MFSD6: variants seen among roughly 807,000 people sequenced by gnomAD.
MFSD6 encodes major facilitator superfamily domain containing 6.
A neutral mutation model predicts 56.3 loss-of-function variants in MFSD6; 26 were observed. The observed-to-expected ratio is 0.46, with a 90% CI of 0.34 to 0.64. MFSD6 has a LOEUF of 0.64. MFSD6 is among the 30% of genes least tolerant of loss of function. The probability of loss-of-function intolerance (pLI) is 0.01; values close to 1 mark genes in which losing one functional copy is unlikely to be tolerated. For synonymous variants in MFSD6, 331 were observed against 366.9 expected (o/e 0.90, Z 1.12); for missense variants, 750 against 986.2 (o/e 0.76, Z 3.21).
At chr2:190,427,637 T>C (rs1209515749) in intron 2 of MFSD6, among the ~76,000 whole-genome samples, 3 of 152,240 alleles carry the variant, frequency 2.0e-5, no homozygotes, top group Non-Finnish European at 4.4e-5. Flanking sequence ...GTTTACTTTA[T>C]ATATTATTGT....
At position 190,439,417 on chromosome 2, in the gene MFSD6, G is replaced by A. The variant is rs961719929; in HGVS notation, c.1532+1856G>A. Among the ~76,000 whole-genome samples the A allele has an allele frequency of 8.6e-5, 13 of 151,794 alleles. No individual in the cohort carries two copies. The highest frequency in any genetic ancestry group is 1.3e-4 in the Admixed American group (2 of 15,242). ...AAGTTTTAGGGTACACGTGCACAAC[G>A]TGCAGATTTGTTGCATGTGTATAGA... is the stretch of plus-strand genomic sequence containing the variant. On this transcript the variant is annotated intron_variant, in intron 3 of 7. Coordinates refer to ENST00000392328, the MANE Select transcript of MFSD6 (RefSeq NM_017694.4). The surrounding 1 kb of genome is among the most constrained non-coding windows in gnomAD (Gnocchi z 5.8).
At chr2:190,432,696 C>G (rs537513921) in intron 2 of MFSD6, among the ~76,000 whole-genome samples, 1 of 152,088 alleles carries the variant, frequency 6.6e-6, no homozygotes, top group African/African-American at 2.4e-5. Flanking sequence ...GAATTACAGG[C>G]GTGAGCCACC....
Position 190,438,116 on chromosome 2 carries a change from G to A in MFSD6, c.1532+555G>A, listed in dbSNP as rs1686238770. On this transcript the variant is annotated intron_variant, in intron 3 of 7. Coordinates refer to ENST00000392328, the MANE Select transcript of MFSD6 (RefSeq NM_017694.4). The surrounding 1 kb of genome is among the most constrained non-coding windows in gnomAD (Gnocchi z 5.2). The stretch of plus-strand genomic sequence containing the variant: ...TGAGGTTCTTAAGTATTTTTTTTGG[G>A]TTATTACATGACTCCCTGCATTTCT... Among the ~76,000 whole-genome samples the A allele has an allele frequency of 6.6e-6, 1 of 151,488 alleles. No individual in the cohort carries two copies. Among genetic ancestry groups the A allele is most frequent in the Admixed American group, 6.6e-5 (1 of 15,218 alleles).
rs114624059 is a variant in MFSD6, at chr2:190,409,516, C to T, written c.-176+1013C>T. Among the ~76,000 whole-genome samples, 1,222 of 152,216 alleles carry T rather than the reference C, an allele frequency of 8.0e-3. 7 individuals are homozygous for T. The highest frequency in any genetic ancestry group is 0.013 in the Non-Finnish European group (885 of 68,008). ...GGGCATGTCACATCTTCCTGAGCCC[C>T]AGTTTTCTCACATGGAAAAGAGGAT... is the stretch of plus-strand genomic sequence containing the variant. On this transcript the variant is annotated intron_variant, in intron 1 of 7. Coordinates refer to ENST00000392328, the MANE Select transcript of MFSD6 (RefSeq NM_017694.4).
Position 190,499,968 on chromosome 2 carries a change from TA to T in MFSD6, c.2173-46del. 1 of 1,610,142 alleles carries T rather than the reference TA, an allele frequency of 6.2e-7. No homozygotes were observed. Among genetic ancestry groups the T allele is most frequent in the Non-Finnish European group, 8.5e-7 (1 of 1,176,644 alleles). ...GAAAGCATATATAAAAAGTTGGATT[TA>T]TTTGCTATCACTGATCATGGGGCAT... On this transcript the variant is annotated intron_variant, in intron 7 of 7. Coordinates refer to ENST00000392328, the MANE Select transcript of MFSD6 (RefSeq NM_017694.4). The surrounding 1 kb of genome is among the most constrained non-coding windows in gnomAD (Gnocchi z 6.0).
At chr2:190,464,362 G>A (rs1395849133) in intron 3 of MFSD6, among the ~76,000 whole-genome samples, 1 of 152,112 alleles carries the variant, frequency 6.6e-6, no homozygotes, top group Non-Finnish European at 1.5e-5. Context: ...GGGGTTCTCT[G>A]GTGGTGCTGC....
intron 2 of MFSD6, among the ~76,000 whole-genome samples, chr2:190,419,253 T>C (rs1429647003): frequency 6.6e-6 from 1 of 152,234 alleles, no homozygotes; most frequent in Non-Finnish European, 1.5e-5. Context: ...GGTGTGTGAA[T>C]ACCTAGATTC....
chr2:190,420,056 TCA>T (rs1491344596), intron 2 of MFSD6, among the ~76,000 whole-genome samples: 24 of 118,188 alleles, frequency 2.0e-4, no homozygotes, highest in African/African-American at 6.4e-4. Flanking sequence ...CTCTATATTT[TCA>T]AGTTTCTTTT....
At position 190,431,579 on chromosome 2, in the gene MFSD6, C is replaced by G. The variant is rs1263669012; in HGVS notation, c.-53-4398C>G. 6.6e-6 allele frequency among the ~76,000 whole-genome samples: 1 copy of G among 152,210 alleles called. No homozygotes were observed. The highest frequency in any genetic ancestry group is 1.5e-5 in the Non-Finnish European group (1 of 68,042). ...AACCAGTCAGGTGTGGCGGCGCGCGCCTGCAATCGCAGGCACTTGGCAGGC... is the reference window on the plus strand; with the variant it reads ...AACCAGTCAGGTGTGGCGGCGCGCGGCTGCAATCGCAGGCACTTGGCAGGC... On this transcript the variant is annotated intron_variant, in intron 2 of 7. Coordinates refer to ENST00000392328, the MANE Select transcript of MFSD6 (RefSeq NM_017694.4). This position sits in a 1 kb window ranked among gnomAD's most constrained non-coding sequence, Gnocchi z 4.4.
chr2:190,457,195 G>T lies in MFSD6; in HGVS notation c.1533-12563G>T, dbSNP rs1280676029. 6.6e-6 allele frequency among the ~76,000 whole-genome samples: 1 copy of T among 152,164 alleles called. No homozygotes were observed. Among genetic ancestry groups the T allele is most frequent in the African/African-American group, 2.4e-5 (1 of 41,432 alleles). ...TGCTATTACCTACTGAAAGAGCATGGTCTGGCAGGGGGATGGGGACCTTGA... is the reference window on the plus strand; with the variant it reads ...TGCTATTACCTACTGAAAGAGCATGTTCTGGCAGGGGGATGGGGACCTTGA... On this transcript the variant is annotated intron_variant, in intron 3 of 7. Coordinates refer to ENST00000392328, the MANE Select transcript of MFSD6 (RefSeq NM_017694.4). The surrounding 1 kb of genome is among the most constrained non-coding windows in gnomAD (Gnocchi z 5.1).
At position 190,416,775 on chromosome 2, in the gene MFSD6, T is replaced by C. The variant is rs1305027763; in HGVS notation, c.-54+1362T>C. On this transcript the variant is annotated intron_variant, in intron 2 of 7. Coordinates refer to ENST00000392328, the MANE Select transcript of MFSD6 (RefSeq NM_017694.4). The surrounding 1 kb of genome is among the most constrained non-coding windows in gnomAD (Gnocchi z 4.1). ...CTCATACTTTATTTCATTTAAGCTC[T>C]AGAATCCTTCTGGGAGTTAATTGAC... Among the ~76,000 whole-genome samples the C allele has an allele frequency of 6.6e-6, 1 of 152,240 alleles. No homozygotes were observed. The highest frequency in any genetic ancestry group is 1.5e-5 in the Non-Finnish European group (1 of 68,050).
rs758437161 is a variant in MFSD6, at chr2:190,491,758, C to T, written c.1891+1892C>T. The stretch of plus-strand genomic sequence containing the variant: ...ATATGACAAAACAAGGTTCTTTAAC[C>T]TGCCCCAACAAAATCACACTAGCAC... On this transcript the variant is annotated intron_variant, in intron 6 of 7. Coordinates refer to ENST00000392328, the MANE Select transcript of MFSD6 (RefSeq NM_017694.4). The surrounding 1 kb of genome is among the most constrained non-coding windows in gnomAD (Gnocchi z 4.2). Among the ~76,000 whole-genome samples the T allele has an allele frequency of 3.9e-5, 6 of 152,154 alleles. No individual in the cohort carries two copies. Among genetic ancestry groups the T allele is most frequent in the Non-Finnish European group, 8.8e-5 (6 of 68,028 alleles).
intron 2 of MFSD6, among the ~76,000 whole-genome samples, chr2:190,430,390 AG>A (rs1685930368): frequency 6.6e-6 from 1 of 151,040 alleles, no homozygotes; most frequent in Non-Finnish European, 1.5e-5. Flanking sequence ...ACTTGAGATT[AG>A]GGAGTGGTGA....
In MFSD6 at chr2:190,456,185, C is replaced by T. The variant is rs1687030484; in HGVS notation, c.1533-13573C>T. On this transcript the variant is annotated intron_variant, in intron 3 of 7. Transcript: ENST00000392328. This position sits in a 1 kb window ranked among gnomAD's most constrained non-coding sequence, Gnocchi z 5.4. ...CAAACTCCTGACCTCAGGTGATCTACCCGCCTCAGCCTCCCAAAGTGCTAG... is the reference window on the plus strand; with the variant it reads ...CAAACTCCTGACCTCAGGTGATCTATCCGCCTCAGCCTCCCAAAGTGCTAG... Among the ~76,000 whole-genome samples the T allele has an allele frequency of 6.6e-6, 1 of 152,008 alleles. No individual in the cohort carries two copies. The highest frequency in any genetic ancestry group is 1.5e-5 in the Non-Finnish European group (1 of 67,990).
In MFSD6 at chr2:190,413,934, T is replaced by C. The variant is rs1261675961; in HGVS notation, c.-175-1358T>C. On this transcript the variant is annotated intron_variant, in intron 1 of 7. Coordinates refer to ENST00000392328, the MANE Select transcript of MFSD6 (RefSeq NM_017694.4). The surrounding 1 kb of genome is among the most constrained non-coding windows in gnomAD (Gnocchi z 4.1). ...TCCCTGTGAGTCACGCTGGGAATTC[T>C]TAACTGTTCAGGGCACTTTTAGGGA... Among the ~76,000 whole-genome samples the C allele has an allele frequency of 6.6e-6, 1 of 152,172 alleles. No homozygotes were observed. The highest frequency in any genetic ancestry group is 1.9e-4 in the East Asian group (1 of 5,202).
At chr2:190,464,324 C>G (rs1687486213) in intron 3 of MFSD6, among the ~76,000 whole-genome samples, 1 of 152,026 alleles carries the variant, frequency 6.6e-6, no homozygotes, top group Non-Finnish European at 1.5e-5. Flanking sequence ...TTGCAAAATG[C>G]TTGTTGCCAT....
intron 3 of MFSD6, among the ~76,000 whole-genome samples, chr2:190,444,511 C>T (rs2125069740): frequency 6.6e-6 from 1 of 152,336 alleles, no homozygotes; most frequent in East Asian, 1.9e-4. Context: ...AGGTGGATTG[C>T]AGATGTAAAG....
At chr2:190,473,536 T>C (rs1402329032) in intron 4 of MFSD6, among the ~76,000 whole-genome samples, 1 of 152,124 alleles carries the variant, frequency 6.6e-6, no homozygotes, top group Non-Finnish European at 1.5e-5. Context: ...CCTAAATATA[T>C]ATGCACCCAA....
In MFSD6 at chr2:190,496,678, GTA is replaced by G. The variant is rs143877786; in HGVS notation, c.1892-756_1892-755del. On this transcript the variant is annotated intron_variant, in intron 6 of 7. Transcript: ENST00000392328. This position sits in a 1 kb window ranked among gnomAD's most constrained non-coding sequence, Gnocchi z 4.7. ...TGTATATGTGTGTGTATGTGTGTGT[GTA>G]TATACACACACACACATATACATAC... Among the ~76,000 whole-genome samples the G allele has an allele frequency of 1.1e-4, 17 of 151,704 alleles. No individual in the cohort carries two copies. The highest frequency in any genetic ancestry group is 1.5e-4 in the Non-Finnish European group (10 of 67,934).
Sources: gnomAD v4.1 joint callset for allele counts (sites outside exome capture counted in the v4.1 genomes callset) on GRCh38, gnomAD v4.1.1 for gene constraint, Gnocchi (gnomAD v3.1) non-coding constraint, MANE v1.5 for transcripts, NCBI Gene and HGNC (gene_info 2026-07-23, HGNC 2026-07-21) for gene names.